The following C3orf33 variants were observed in gnomAD, a reference collection of about 807,000 sequenced individuals.
The protein encoded by C3orf33 is AP-1 activity suppressor.
In C3orf33, 23 loss-of-function variants were observed where a neutral mutation model predicts 28.7. The ratio of observed to expected loss-of-function variants is 0.80; its 90% CI spans 0.58 to 1.13. The LOEUF (loss-of-function observed/expected upper bound fraction) is 1.13. Among genes scored for constraint, C3orf33 ranks in the 50% most tolerant of loss-of-function variants. The pLI is 0.00. For missense variants in C3orf33, 327 were observed against 353.4 expected (o/e 0.93, Z 0.60); for synonymous variants, 119 against 120.5 (o/e 0.99, Z 0.08).
At position 155,802,512 on chromosome 3, in the gene C3orf33, T is replaced by C. The variant is rs765623768; in HGVS notation, c.174+20A>G. On this transcript the variant is annotated intron_variant, in intron 2 of 4. Transcript: ENST00000340171. ...ACTACCTACGGCTTGTTGTAATGTC[T>C]TTTTCATTTTTTAACTTACCAGTCG... is the stretch of plus-strand genomic sequence containing the variant. 1.3e-6 allele frequency: 2 copies of C among 1,590,396 alleles called. No individual in the cohort carries two copies. Among genetic ancestry groups the C allele is most frequent in the Non-Finnish European group, 1.7e-6 (2 of 1,164,008 alleles).
At chr3:155,791,712 T>A (rs763462559) in intron 2 of C3orf33, among the ~76,000 whole-genome samples, 43 of 151,836 alleles carry the variant, frequency 2.8e-4, no homozygotes, top group South Asian at 1.3e-3. Flanking sequence ...AGGCCTGGGA[T>A]GGTGGTGGCC....
chr3:155,768,368 T>C lies in C3orf33; in HGVS notation c.323-699A>G, dbSNP rs532007645. 1.4e-3 allele frequency among the ~76,000 whole-genome samples: 208 copies of C among 152,354 alleles called. 1 individual carries two copies. The highest frequency in any genetic ancestry group is 4.8e-3 in the African/African-American group (200 of 41,592). The stretch of plus-strand genomic sequence containing the variant: ...GCTTTTTCACTTAACTTATTGAAGA[T>C]ATCTTCCAATCTCAACAAATATTGA... On this transcript the variant is annotated intron_variant, in intron 3 of 4. Coordinates refer to ENST00000340171, the MANE Select transcript of C3orf33 (RefSeq NM_001308229.2).
intron 3 of C3orf33, among the ~76,000 whole-genome samples, chr3:155,772,107 A>G (rs1484156632): frequency 6.6e-6 from 1 of 152,220 alleles, no homozygotes; most frequent in African/African-American, 2.4e-5. Flanking sequence ...TAGGAGGCTG[A>G]GGCAAGAGGA....
At chr3:155,787,961 G>A (rs1751180400) in intron 2 of C3orf33, among the ~76,000 whole-genome samples, 1 of 151,864 alleles carries the variant, frequency 6.6e-6, no homozygotes, top group Non-Finnish European at 1.5e-5. Context: ...GGAGGCCGAG[G>A]CGGGCGGATC....
chr3:155,803,717 C>T (rs2109285398), intron 1 of C3orf33, among the ~76,000 whole-genome samples: 1 of 150,776 alleles, frequency 6.6e-6, no homozygotes, highest in East Asian at 1.9e-4. Flanking sequence ...CTCGTCTCTA[C>T]TAAAAATACA....
At chr3:155,768,644 G>A (rs930826766) in intron 3 of C3orf33, among the ~76,000 whole-genome samples, 5 of 152,092 alleles carry the variant, frequency 3.3e-5, no homozygotes, top group African/African-American at 1.2e-4. Flanking sequence ...CATACATTAA[G>A]CTCTTACATA....
chr3:155,766,325 T>C (rs1392697505), intron 4 of C3orf33, among the ~76,000 whole-genome samples: 1 of 152,218 alleles, frequency 6.6e-6, no homozygotes, highest in Non-Finnish European at 1.5e-5. Context: ...GCAACAAAGA[T>C]GAAACTGTCA....
chr3:155,763,648 A>G lies in C3orf33; in HGVS notation c.754T>C (p.Leu252=), dbSNP rs750650694. ...TTTTCATAATAACTTTCTTTTTTCA[A>G]GCTGAAATCTGATCCTGTTGTTTTT... ...FLKTTGSDFS[L]KKESYYEKLK... The change falls in exon 5 of 5, where the codon TTG becomes CTG. Residue 252 remains leucine (L), a synonymous_variant. Coordinates refer to ENST00000340171, the MANE Select transcript of C3orf33 (RefSeq NM_001308229.2). The G allele has an allele frequency of 6.3e-7, 1 of 1,595,038 alleles. No individual in the cohort carries two copies. Among genetic ancestry groups the G allele is most frequent in the African/African-American group, 1.4e-5 (1 of 73,620 alleles).
At chr3:155,790,539 G>T (rs1306828212) in intron 2 of C3orf33, among the ~76,000 whole-genome samples, 1 of 152,142 alleles carries the variant, frequency 6.6e-6, no homozygotes, top group Non-Finnish European at 1.5e-5. Context: ...AAAATCAGGT[G>T]AGCAATCGTT....
chr3:155,763,233 TA>T lies in C3orf33; in HGVS notation c.*283del, dbSNP rs1750289901. ...AAAAACAACATAGTGGGTGAAGAGT[TA>T]AACTTTCTCTTCACACATTAGCACT... On this transcript the variant is annotated 3_prime_UTR_variant, in exon 5 of 5. Transcript: ENST00000340171. 4.5e-6 allele frequency: 1 copy of T among 224,004 alleles called. No homozygotes were observed. The highest frequency in any genetic ancestry group is 5.7e-5 in the Admixed American group (1 of 17,584). 13.9% of individuals were successfully genotyped at this position (224,004 alleles called of 1,614,324 possible). A position where few individuals can be genotyped will look rare whatever the true frequency, so the allele number is the denominator to read the frequency against.
chr3:155,767,727 C>T, intron 3 of C3orf33, 58 bp from the exon 4 acceptor site: 1 of 1,290,242 alleles, frequency 7.8e-7, no homozygotes. Flanking sequence ...AAAGCAAATT[C>T]CAGTCAGTTG....
intron 2 of C3orf33, among the ~76,000 whole-genome samples, chr3:155,778,010 C>T (rs1273928491): frequency 6.6e-6 from 1 of 151,888 alleles, no homozygotes; most frequent in African/African-American, 2.4e-5. Context: ...ATTAGCTGGG[C>T]ATGGTGGTGC....
chr3:155,769,700 C>T (rs1750523973), intron 3 of C3orf33, among the ~76,000 whole-genome samples: 1 of 152,116 alleles, frequency 6.6e-6, no homozygotes, highest in Admixed American at 6.5e-5. Flanking sequence ...CACCACCAAT[C>T]CTCTTCCAGT....
At chr3:155,769,414 G>C (rs1750509740) in intron 3 of C3orf33, among the ~76,000 whole-genome samples, 1 of 150,554 alleles carries the variant, frequency 6.6e-6, no homozygotes, top group South Asian at 2.1e-4. Context: ...CTTCAATCTA[G>C]GAGGCAGAAG....
Position 155,806,178 on chromosome 3 carries a change from C to T in C3orf33, c.75G>A (p.Arg25=), listed in dbSNP as rs1431197329. The T allele has an allele frequency of 2.7e-6, 4 of 1,498,618 alleles. No individual in the cohort carries two copies. The highest frequency in any genetic ancestry group is 2.7e-6 in the Non-Finnish European group (3 of 1,123,654). 92.8% of individuals were successfully genotyped at this position (1,498,618 alleles called of 1,614,324 possible). The change falls in exon 1 of 5, where the codon CGG becomes CGA. Residue 25 remains arginine, a synonymous_variant. Transcript: ENST00000340171. ...GGTGGTCGTCTGCCCACTGCGAGAT[C>T]CGAGCCACGACGTTGGGCTCCATTC... is the stretch of plus-strand genomic sequence containing the variant. ...KDGMEPNVVA[R]ISQWADDHLR... is the part of the protein sequence containing the mutation.
intron 2 of C3orf33, among the ~76,000 whole-genome samples, chr3:155,795,263 T>C (rs115010223): frequency 0.02 from 3,040 of 151,868 alleles, 100 homozygotes; most frequent in African/African-American, 0.07. Flanking sequence ...CAAGACCAGG[T>C]TGGCCAACAT....
At chr3:155,773,458 T>C (rs1025310151) in intron 3 of C3orf33, among the ~76,000 whole-genome samples, 2 of 152,232 alleles carry the variant, frequency 1.3e-5, no homozygotes, top group African/African-American at 4.8e-5. Context: ...AAATCTGTTT[T>C]CTAGCTTTGA....
intron 2 of C3orf33, among the ~76,000 whole-genome samples, chr3:155,795,933 G>T (rs1295689435): frequency 7.9e-5 from 12 of 151,968 alleles, no homozygotes. Context: ...TCCAGCCTGG[G>T]CAACAAAGCA....
At position 155,775,764 on chromosome 3, in the gene C3orf33, T is replaced by G; in HGVS notation, c.259A>C (p.Thr87Pro). The change falls in exon 3 of 5, where the codon ACT becomes CCT. Residue 87 changes from threonine to proline, a missense_variant. Physicochemically the swap from Thr to Pro is conservative, Grantham distance 38. Coordinates refer to ENST00000340171, the MANE Select transcript of C3orf33 (RefSeq NM_001308229.2). ...VKLRGRLRRITENGLEIEHIP... is the reference protein window; with the variant it reads ...VKLRGRLRRIPENGLEIEHIP... ...TGTTCAATTTCTAAACCATTCTCAGTTATTCGGCGTAATCGTCCACGTAGT... is the reference window on the plus strand; with the variant it reads ...TGTTCAATTTCTAAACCATTCTCAGGTATTCGGCGTAATCGTCCACGTAGT... 1 of 1,593,012 alleles carries G rather than the reference T, an allele frequency of 6.3e-7. No individual in the cohort carries two copies. Among genetic ancestry groups the G allele is most frequent in the Non-Finnish European group, 8.6e-7 (1 of 1,162,206 alleles).
Sources: allele counts gnomAD v4.1 joint callset (sites outside exome capture counted in the v4.1 genomes callset), GRCh38; gene constraint gnomAD v4.1.1; transcripts MANE v1.5; gene names NCBI Gene and HGNC (gene_info 2026-07-23, HGNC 2026-07-21).